The following GUCY1A2 variants were observed in gnomAD, a reference collection of about 807,000 sequenced individuals.
GUCY1A2 encodes the protein guanylate cyclase 1 soluble subunit alpha 2.
Under a neutral mutation model 63.5 loss-of-function variants are expected in GUCY1A2, and 27 were observed. The ratio of observed to expected loss-of-function variants is 0.43; its 90% CI spans 0.31 to 0.59. GUCY1A2 has a LOEUF of 0.59. Among genes scored for constraint, GUCY1A2 ranks in the 20% least tolerant of loss-of-function variants. The pLI is 0.11. For synonymous variants in GUCY1A2, 364 were observed against 343.5 expected (o/e 1.06, Z -0.66); for missense variants, 768 against 913.3 (o/e 0.84, Z 2.05).
intron 4 of GUCY1A2, among the ~76,000 whole-genome samples, chr11:106,841,722 T>C (rs1859201140): frequency 6.6e-6 from 1 of 151,908 alleles, no homozygotes; most frequent in African/African-American, 2.4e-5. Flanking sequence ...TAAAGTCTCT[T>C]CAAAGTACAC....
Position 106,682,333 on chromosome 11 carries a change from A to G in GUCY1A2, c.*5216T>C. ...AATTGGGATTATTTGAATACTTTTC[A>G]ATGATTCCCAAGTCTGGCTGTATAT... On this transcript the variant is annotated 3_prime_UTR_variant, in exon 8 of 8. Transcript: ENST00000526355. 1 of 217,600 alleles carries G rather than the reference A, an allele frequency of 4.6e-6. No homozygotes were observed. Among genetic ancestry groups the G allele is most frequent in the Non-Finnish European group, 9.2e-6 (1 of 108,178 alleles). The allele number at this position is 217,600 out of a possible 1,614,324, so 13.5% of individuals were successfully genotyped here.
chr11:106,746,526 T>C (rs747198915), intron 6 of GUCY1A2: 1 of 1,322,274 alleles, frequency 7.6e-7, no homozygotes, highest in South Asian at 1.2e-5. Flanking sequence ...CTGTTTTCCT[T>C]CTCCCTATAA....
At chr11:106,802,798 T>C (rs1283158142) in intron 5 of GUCY1A2, among the ~76,000 whole-genome samples, 3 of 152,022 alleles carry the variant, frequency 2.0e-5, no homozygotes, top group Admixed American at 6.6e-5. Context: ...AATTCCATCA[T>C]TGAAGTCCCC....
intron 6 of GUCY1A2, among the ~76,000 whole-genome samples, chr11:106,719,211 C>A (rs1331411043): frequency 6.6e-6 from 1 of 152,086 alleles, no homozygotes; most frequent in Non-Finnish European, 1.5e-5. Context: ...GGAAAATATT[C>A]CTACTTACTT....
chr11:106,803,636 T>C (rs1163147883), intron 5 of GUCY1A2, among the ~76,000 whole-genome samples: 1 of 152,150 alleles, frequency 6.6e-6, no homozygotes, highest in Admixed American at 6.6e-5. Context: ...AAGGAGACAC[T>C]GTTTTAAGCA....
At chr11:106,989,317 G>C (rs902002446) in intron 1 of GUCY1A2, among the ~76,000 whole-genome samples, 1 of 152,052 alleles carries the variant, frequency 6.6e-6, no homozygotes, top group African/African-American at 2.4e-5. Flanking sequence ...ATTTACTTAA[G>C]CTCTTCTGAA....
rs71041701 is a variant in GUCY1A2, at chr11:106,944,215, CAAA to C, written c.488-4040_488-4038del. 1.4e-3 allele frequency among the ~76,000 whole-genome samples: 31 copies of C among 21,578 alleles called. 1 individual carries two copies. Among genetic ancestry groups the C allele is most frequent in the Admixed American group, 0.011 (15 of 1,350 alleles). The allele number at this position is 21,578 out of a possible 152,430, so 14.2% of individuals were successfully genotyped here. Reference sequence around the variant, plus strand: ...GGGCAACAGAGTGAGACCCTGTCTCCAAAAAAAAAAAAAAAAAAAAAGCAGGTG... The same window carrying C: ...GGGCAACAGAGTGAGACCCTGTCTCCAAAAAAAAAAAAAAAAAAGCAGGTG... On this transcript the variant is annotated intron_variant, in intron 3 of 7. Coordinates refer to ENST00000526355, the MANE Select transcript of GUCY1A2 (RefSeq NM_000855.3).
In GUCY1A2 at chr11:107,017,988, G is replaced by C. The variant is rs1437457936; in HGVS notation, c.68C>G (p.Pro23Arg). The C allele has an allele frequency of 2.1e-6, 3 of 1,460,218 alleles. No homozygotes were observed. Among genetic ancestry groups the C allele is most frequent in the Admixed American group, 4.2e-5 (2 of 47,922 alleles). The allele number at this position is 1,460,218 out of a possible 1,614,324, so 90.5% of individuals were successfully genotyped here. The part of the protein sequence containing the change: ...SLGSDYLETS[P>R]EEEGECPLSR... ...CAGGGGGCACTCCCCCTCCTCCTCC[G>C]GGCTGGTCTCCAGGTAGTCGGAGCC... Residue 23 changes from proline (P) to arginine (R), a missense_variant, in exon 1 of 8, where the codon CCG (proline) becomes CGG (arginine). This residue lies in a region of GUCY1A2 where 496 missense variants were observed against 486.9 expected (regional missense o/e 1.02). Transcript: ENST00000526355.
chr11:106,978,934 G>C (rs1160228243), intron 2 of GUCY1A2, among the ~76,000 whole-genome samples, 194 bp from the exon 3 acceptor site: 6 of 152,082 alleles, frequency 3.9e-5, no homozygotes, highest in African/African-American at 7.2e-5. Context: ...CCTGGAACTG[G>C]AGGCAACTGT....
chr11:106,938,480 G>C (rs1166276672), intron 4 of GUCY1A2, among the ~76,000 whole-genome samples: 2 of 151,882 alleles, frequency 1.3e-5, no homozygotes, highest in Non-Finnish European at 2.9e-5. Flanking sequence ...ATTTCTAATA[G>C]CTAATAGCTT....
chr11:106,686,653 GA>G lies in GUCY1A2; in HGVS notation c.*895del. The G allele has an allele frequency of 4.6e-6, 1 of 215,760 alleles. No homozygotes were observed. Among genetic ancestry groups the G allele is most frequent in the Non-Finnish European group, 9.3e-6 (1 of 107,010 alleles). The allele number at this position is 215,760 out of a possible 1,614,324, so 13.4% of individuals were successfully genotyped here. ...TACCTATATTTGTAAGTGCTAAGTT[GA>G]AAAGGATCCAGTGTAGCAAAGCATT... On this transcript the variant is annotated 3_prime_UTR_variant, in exon 8 of 8. Transcript: ENST00000526355.
At chr11:106,709,456 ATT>A (rs1863004219) in intron 6 of GUCY1A2, among the ~76,000 whole-genome samples, 1 of 95,802 alleles carries the variant, frequency 1.0e-5, no homozygotes, top group African/African-American at 4.4e-5. Flanking sequence ...TATATTCTAT[ATT>A]TATAGAATAA....
chr11:106,706,079 A>G (rs917476796), intron 7 of GUCY1A2, among the ~76,000 whole-genome samples: 1 of 152,236 alleles, frequency 6.6e-6, no homozygotes, highest in Non-Finnish European at 1.5e-5. Flanking sequence ...TTAAAATTCA[A>G]TTATTTGAAT....
At chr11:106,843,394 C>T (rs1034568207) in intron 4 of GUCY1A2, among the ~76,000 whole-genome samples, 37 of 151,508 alleles carry the variant, frequency 2.4e-4, no homozygotes, top group African/African-American at 8.9e-4. Context: ...CACCTGTTTC[C>T]CAAAATCCTA....
At chr11:106,944,019 C>A (rs1386375871) in intron 3 of GUCY1A2, among the ~76,000 whole-genome samples, 1 of 151,492 alleles carries the variant, frequency 6.6e-6, no homozygotes, top group East Asian at 1.9e-4. Context: ...CCAGCCTGCC[C>A]AACATGGTGA....
intron 6 of GUCY1A2, chr11:106,746,729 T>C: frequency 4.4e-6 from 3 of 675,230 alleles, no homozygotes; most frequent in South Asian, 3.4e-5. Flanking sequence ...TGCATATACA[T>C]ATAGCCATGA....
chr11:106,762,354 C>G (rs903130977), intron 6 of GUCY1A2, among the ~76,000 whole-genome samples: 5 of 152,070 alleles, frequency 3.3e-5, no homozygotes, highest in African/African-American at 9.7e-5. Context: ...ATAGCTATCA[C>G]TGCCACAACT....
intron 2 of GUCY1A2, among the ~76,000 whole-genome samples, chr11:106,980,965 C>T (rs1861327158): frequency 6.6e-6 from 1 of 152,162 alleles, no homozygotes; most frequent in South Asian, 2.1e-4. Flanking sequence ...TCAATTTCCT[C>T]ATCTGTAAAA....
chr11:106,907,559 C>A (rs947730444), intron 4 of GUCY1A2, among the ~76,000 whole-genome samples: 1 of 151,652 alleles, frequency 6.6e-6, no homozygotes. Flanking sequence ...TCCCGCCTCC[C>A]GCCACCCCAC....
Sources: allele counts gnomAD v4.1 joint callset (sites outside exome capture counted in the v4.1 genomes callset), GRCh38; gene constraint gnomAD v4.1.1; regional missense constraint gnomAD v4.1.1; transcripts MANE v1.5; gene names NCBI Gene and HGNC (gene_info 2026-07-23, HGNC 2026-07-21).